Variants in PTPRM observed in about 807,000 individuals in gnomAD.
The protein encoded by PTPRM is receptor-type tyrosine-protein phosphatase mu.
A neutral mutation model predicts 186.7 loss-of-function variants in PTPRM; 47 were observed. The ratio of observed to expected loss-of-function variants is 0.25; its 90% CI spans 0.20 to 0.32. The LOEUF is 0.32. PTPRM is among the 10% of genes least tolerant of loss of function. The pLI is 1.00. For missense variants in PTPRM, 1,494 were observed against 1,865.0 expected, an observed-to-expected ratio of 0.80 and a Z score of 3.66; for synonymous variants, 668 against 674.9, an observed-to-expected ratio of 0.99 and a Z score of 0.16.
chr18:7,772,840 CTTAA>C (rs1415446468), intron 1 of PTPRM, among the ~76,000 whole-genome samples: 5 of 152,142 alleles, frequency 3.3e-5, no homozygotes, highest in Non-Finnish European at 5.9e-5. Context: ...AATGAGAACA[CTTAA>C]TTGTCATCAG....
intron 14 of PTPRM, among the ~76,000 whole-genome samples, chr18:8,167,765 C>T (rs533960927): frequency 3.3e-5 from 5 of 152,218 alleles, no homozygotes; most frequent in African/African-American, 7.2e-5. Flanking sequence ...GAAACAGACA[C>T]GGTTAGTATG....
intron 7 of PTPRM, among the ~76,000 whole-genome samples, chr18:8,034,344 A>AT (rs1211176340): frequency 6.6e-6 from 1 of 152,100 alleles, no homozygotes; most frequent in Non-Finnish European, 1.5e-5. Flanking sequence ...TCCCATTTAA[A>AT]TATCTTCAAC....
At chr18:7,911,826 T>G (rs8087211) in intron 4 of PTPRM, among the ~76,000 whole-genome samples, 37,622 of 146,542 alleles carry the variant, frequency 0.26, 5,264 homozygotes, top group East Asian at 0.42. Flanking sequence ...CTGTGTTTTT[T>G]CCAGAGTTTT....
chr18:8,232,872 AC>A (rs1337970316), intron 14 of PTPRM, among the ~76,000 whole-genome samples: 1 of 152,194 alleles, frequency 6.6e-6, no homozygotes, highest in African/African-American at 2.4e-5. Flanking sequence ...TGAGCTGTAC[AC>A]AGCCTTCCAT....
chr18:7,631,716 C>T (rs2038196365), intron 1 of PTPRM, among the ~76,000 whole-genome samples: 1 of 152,112 alleles, frequency 6.6e-6, no homozygotes, highest in Non-Finnish European at 1.5e-5. Context: ...GACAATTATT[C>T]TTCTTCCAGT....
Position 8,380,325 on chromosome 18 carries a change from C to A in PTPRM, c.3816C>A (p.Val1272=). 5 of 1,613,838 alleles carry A rather than the reference C, an allele frequency of 3.1e-6. No individual in the cohort carries two copies. Among genetic ancestry groups the A allele is most frequent in the Non-Finnish European group, 4.2e-6 (5 of 1,179,716 alleles). Residue 1272 remains valine, a synonymous_variant, in exon 29 of 33, where the codon GTC becomes GTA. Transcript: ENST00000580170. ...ATAAACAGCCTTCAGCTTTTATAGT[C>A]ACCCAGCATCCTTTGCCAAACACAG... The part of the protein sequence containing the change: ...DSYKQPSAFI[V]TQHPLPNTVK...
chr18:8,097,594 G>C (rs1342255537), intron 11 of PTPRM, among the ~76,000 whole-genome samples: 1 of 152,172 alleles, frequency 6.6e-6, no homozygotes, highest in Admixed American at 6.5e-5. Flanking sequence ...CATTGTGCTA[G>C]GGTTGTGATA....
intron 20 of PTPRM, among the ~76,000 whole-genome samples, chr18:8,314,067 A>AT (rs916394215): frequency 3.3e-5 from 5 of 152,032 alleles, no homozygotes; most frequent in Admixed American, 1.3e-4. Context: ...TTTGCAGATA[A>AT]TTTTTTTTAC....
chr18:8,005,218 A>G (rs925971213), intron 7 of PTPRM, among the ~76,000 whole-genome samples: 6 of 152,248 alleles, frequency 3.9e-5, no homozygotes, highest in African/African-American at 1.4e-4. Flanking sequence ...GCCCTTTGAT[A>G]TTCAAGTCAA....
At chr18:8,242,394 T>G (rs1335300918) in intron 14 of PTPRM, among the ~76,000 whole-genome samples, 4 of 152,154 alleles carry the variant, frequency 2.6e-5, no homozygotes, top group Non-Finnish European at 4.4e-5. Context: ...TAAGTGCAGC[T>G]ATGGAGATGG....
At chr18:7,868,936 GC>G (rs2047849212) in intron 2 of PTPRM, among the ~76,000 whole-genome samples, 1 of 152,218 alleles carries the variant, frequency 6.6e-6, no homozygotes, top group Non-Finnish European at 1.5e-5. Context: ...GGCTACAGCA[GC>G]TTTGCAGAGC....
chr18:8,171,704 G>A (rs915495326), intron 14 of PTPRM, among the ~76,000 whole-genome samples: 1 of 152,124 alleles, frequency 6.6e-6, no homozygotes, highest in Admixed American at 6.5e-5. Flanking sequence ...CTTTCTTGTT[G>A]TCCAGTGGTA....
chr18:7,753,202 A>AG (rs1216437769), intron 1 of PTPRM, among the ~76,000 whole-genome samples: 2 of 152,192 alleles, frequency 1.3e-5, no homozygotes, highest in Non-Finnish European at 2.9e-5. Flanking sequence ...CATTTGTGAA[A>AG]GAAAAAAATT....
intron 8 of PTPRM, among the ~76,000 whole-genome samples, chr18:8,075,982 C>T (rs1420167305): frequency 3.3e-5 from 5 of 152,094 alleles, no homozygotes; most frequent in Non-Finnish European, 7.4e-5. Context: ...GCTTTGTGAA[C>T]ATTTTTGTAT....
At chr18:8,144,104 ATAC>A (rs2146127284) in intron 14 of PTPRM, among the ~76,000 whole-genome samples, 1 of 152,320 alleles carries the variant, frequency 6.6e-6, no homozygotes, top group South Asian at 2.1e-4. Flanking sequence ...GATTTCCAAC[ATAC>A]TAAGACATTT....
At chr18:7,770,063 C>T (rs1226131325) in intron 1 of PTPRM, among the ~76,000 whole-genome samples, 1 of 152,176 alleles carries the variant, frequency 6.6e-6, no homozygotes, top group Non-Finnish European at 1.5e-5. Context: ...TATAGTACAA[C>T]CATGGACTGC....
At chr18:8,120,602 C>G (rs1013473608) in intron 13 of PTPRM, among the ~76,000 whole-genome samples, 4 of 151,336 alleles carry the variant, frequency 2.6e-5, no homozygotes, top group Non-Finnish European at 4.4e-5. Context: ...TTCAAGCAGT[C>G]CTCCTGCCTC....
rs560914762 is a variant in PTPRM at position 8,378,433 on chromosome 18, A to G, written c.3612+19A>G. The G allele has an allele frequency of 3.9e-5, 63 of 1,613,160 alleles. 1 individual carries two copies. The South Asian group carries it at 5.4e-4, about 14-fold the overall frequency. On this transcript the variant is annotated intron_variant, in intron 27 of 32. Transcript: ENST00000580170. ...ATTCCGGGTAAGTGATGCCTAAGGG[A>G]GGGGCACTGCACGGTGACTTGCTCC...
At chr18:8,247,941 T>G (rs779453801) in intron 16 of PTPRM, 22 bp downstream of exon 16, 1 of 1,528,524 alleles carries the variant, frequency 6.5e-7, no homozygotes. Context: ...TTCCATTGTC[T>G]CCTCTCTGCT....
Sources: gnomAD v4.1 joint callset for allele counts (sites outside exome capture counted in the v4.1 genomes callset) on GRCh38, gnomAD v4.1.1 for gene constraint, MANE v1.5 for transcripts, NCBI Gene and HGNC (gene_info 2026-07-23, HGNC 2026-07-21) for gene names.